FBXL20: variants seen among roughly 807,000 people sequenced by gnomAD.
FBXL20 encodes F-box/LRR-repeat protein 20.
FBXL20 carries 11 observed loss-of-function variants against 64.0 expected under a neutral mutation model. The ratio of observed to expected loss-of-function variants is 0.17; its 90% confidence interval spans 0.11 to 0.28. The LOEUF is 0.28. Among genes scored for constraint, FBXL20 ranks in the 10% least tolerant of loss-of-function variants. FBXL20 has a pLI of 1.00. For missense variants in FBXL20, 303 were observed against 526.2 expected (o/e 0.58, Z 4.15); for synonymous variants, 184 against 189.0 (o/e 0.97, Z 0.22).
intron 1 of FBXL20, among the ~76,000 whole-genome samples, chr17:39,356,531 T>C (rs1191651065): frequency 6.6e-6 from 1 of 152,126 alleles, no homozygotes; most frequent in Non-Finnish European, 1.5e-5. Context: ...ATTTTTTCTA[T>C]ATTTTATAGA....
At chr17:39,292,688 C>T (rs1252639303) in intron 6 of FBXL20, among the ~76,000 whole-genome samples, 2 of 152,008 alleles carry the variant, frequency 1.3e-5, no homozygotes, top group African/African-American at 4.8e-5. Context: ...GACACGATCT[C>T]GGCTCACTGC....
At chr17:39,321,498 C>G (rs2047356291) in intron 2 of FBXL20, among the ~76,000 whole-genome samples, 1 of 147,116 alleles carries the variant, frequency 6.8e-6, no homozygotes, top group East Asian at 2.0e-4. Context: ...CAGTCTAGGG[C>G]CAGGCACGGT....
At chr17:39,261,771 G>A (rs995135129) in intron 14 of FBXL20, among the ~76,000 whole-genome samples, 22 of 151,994 alleles carry the variant, frequency 1.4e-4, no homozygotes, top group Non-Finnish European at 2.8e-4. Flanking sequence ...ATATGACTTT[G>A]GTACCTGTTT....
At chr17:39,351,805 T>C (rs896880681) in intron 1 of FBXL20, among the ~76,000 whole-genome samples, 1 of 152,186 alleles carries the variant, frequency 6.6e-6, no homozygotes, top group African/African-American at 2.4e-5. Context: ...CACCTAAACA[T>C]GCAAGCAGAC....
At chr17:39,279,693 C>G (rs779425670) in intron 9 of FBXL20, among the ~76,000 whole-genome samples, 1 of 151,356 alleles carries the variant, frequency 6.6e-6, no homozygotes, top group South Asian at 2.1e-4. Context: ...CCCAGGAATT[C>G]GAGACCAACC....
At chr17:39,346,507 C>T (rs1179103821) in intron 1 of FBXL20, among the ~76,000 whole-genome samples, 2 of 151,958 alleles carry the variant, frequency 1.3e-5, no homozygotes, top group African/African-American at 4.8e-5. Context: ...AGTTAGGAAT[C>T]CATTAAAATT....
At position 39,287,902 on chromosome 17, in the gene FBXL20, C is replaced by T. The variant is rs560479069; in HGVS notation, c.399-2329G>A. 2.0e-5 allele frequency among the ~76,000 whole-genome samples: 3 copies of T among 151,908 alleles called. No individual in the cohort carries two copies. In the East Asian group the frequency reaches 5.8e-4, roughly 29 times the overall value. On this transcript the variant is annotated intron_variant, in intron 6 of 14. Coordinates refer to ENST00000264658, the MANE Select transcript of FBXL20 (RefSeq NM_032875.3). ...TTGGCATTGTCTCTCTTTTTGAATA[C>T]AGCTATCTTAGTGTGTATGGTGTGG...
At chr17:39,322,512 T>C (rs376293709) in intron 2 of FBXL20, among the ~76,000 whole-genome samples, 2 of 152,136 alleles carry the variant, frequency 1.3e-5, no homozygotes, top group East Asian at 1.9e-4. Context: ...TTTGACTAAA[T>C]ACTAAGATTG....
At chr17:39,345,012 C>G (rs1005835831) in intron 1 of FBXL20, among the ~76,000 whole-genome samples, 5 of 152,214 alleles carry the variant, frequency 3.3e-5, no homozygotes, top group Admixed American at 3.3e-4. Flanking sequence ...GCTTATCTAG[C>G]AAGCTATGTA....
chr17:39,299,750 T>A (rs1028248620), intron 4 of FBXL20, among the ~76,000 whole-genome samples: 7 of 151,050 alleles, frequency 4.6e-5, no homozygotes, highest in Non-Finnish European at 1.0e-4. Flanking sequence ...TCCACTGCAC[T>A]CCAGCCTGGG....
chr17:39,284,065 C>T (rs530786717), intron 7 of FBXL20, among the ~76,000 whole-genome samples: 131 of 152,242 alleles, frequency 8.6e-4, no homozygotes, highest in Non-Finnish European at 1.5e-3. Context: ...AGCATTTATT[C>T]CACAATAACA....
intron 14 of FBXL20, among the ~76,000 whole-genome samples, chr17:39,263,699 A>G (rs1354337385): frequency 6.6e-6 from 1 of 152,168 alleles, no homozygotes; most frequent in Non-Finnish European, 1.5e-5. Flanking sequence ...CTCTTAAAAG[A>G]AAGACAGAAA....
At chr17:39,266,958 C>A (rs1156902249) in intron 12 of FBXL20, among the ~76,000 whole-genome samples, 1 of 151,270 alleles carries the variant, frequency 6.6e-6, no homozygotes, top group African/African-American at 2.4e-5. Flanking sequence ...AAATTCAAGA[C>A]CAGTCTGAGC....
At chr17:39,395,241 A>G (rs1047458352) in intron 1 of FBXL20, among the ~76,000 whole-genome samples, 1 of 152,168 alleles carries the variant, frequency 6.6e-6, no homozygotes, top group Non-Finnish European at 1.5e-5. Context: ...CCTGGCCAAC[A>G]TGGCAAAACC....
intron 1 of FBXL20, among the ~76,000 whole-genome samples, chr17:39,370,810 A>G (rs982460201): frequency 6.6e-6 from 1 of 151,420 alleles, no homozygotes; most frequent in Non-Finnish European, 1.5e-5. Context: ...AAAAAAAAAA[A>G]GAAAAGAAAA....
intron 2 of FBXL20, among the ~76,000 whole-genome samples, chr17:39,326,161 AG>A (rs1188318642): frequency 6.6e-6 from 1 of 152,030 alleles, no homozygotes; most frequent in East Asian, 1.9e-4. Context: ...TCTCACCAGG[AG>A]TAGACGCTAG....
At chr17:39,279,114 A>T (rs2046925786) in intron 9 of FBXL20, among the ~76,000 whole-genome samples, 1 of 152,082 alleles carries the variant, frequency 6.6e-6, no homozygotes, top group South Asian at 2.1e-4. Flanking sequence ...ACTGCACTCC[A>T]GCCTGGGCGA....
Position 39,257,305 on chromosome 17 carries a change from G to A in FBXL20, c.*4155C>T, listed in dbSNP as rs1448716969. On this transcript the variant is annotated 3_prime_UTR_variant, in exon 15 of 15. Coordinates refer to ENST00000264658, the MANE Select transcript of FBXL20 (RefSeq NM_032875.3). ...AGAATGTCGCTACTAAAACATTATG[G>A]CTATCTTGAATAACTCAAATAGTCT... is the stretch of plus-strand genomic sequence containing the variant. The A allele has an allele frequency of 1.3e-5, 2 of 152,192 alleles. No individual in the cohort carries two copies. The highest frequency in any genetic ancestry group is 2.9e-5 in the Non-Finnish European group (2 of 68,030). The allele number at this position is 152,192 out of a possible 1,614,324, so 9.4% of individuals were successfully genotyped here.
Position 39,264,230 on chromosome 17 carries a change from C to T in FBXL20, c.1148G>A (p.Arg383Gln), listed in dbSNP as rs754840212. The T allele has an allele frequency of 5.0e-6, 8 of 1,614,086 alleles. No individual in the cohort carries two copies. The highest frequency in any genetic ancestry group is 1.1e-5 in the South Asian group (1 of 91,088). Residue 383 changes from arginine to glutamine, a missense_variant, in exon 14 of 15, where the codon CGG (arginine) becomes CAG (glutamine). By Grantham distance (43) the Arg-to-Gln change is conservative (BLOSUM62 1). This residue lies in a region of FBXL20 where 56 missense variants were observed against 86.0 expected (regional missense o/e 0.65). Transcript: ENST00000264658. ...TTGCTGGCAGTCATAGAGTTCTATC[C>T]GCTCAAGGCTATGACAGCTCTTCAA... is the stretch of plus-strand genomic sequence containing the variant. Reference protein sequence around the residue: ...EHLKSCHSLERIELYDCQQIT... With the variant: ...EHLKSCHSLEQIELYDCQQIT...
Sources: allele counts gnomAD v4.1 joint callset (sites outside exome capture counted in the v4.1 genomes callset), GRCh38; gene constraint gnomAD v4.1.1; regional missense constraint gnomAD v4.1.1; transcripts MANE v1.5; gene names NCBI Gene and HGNC (gene_info 2026-07-23, HGNC 2026-07-21).